The following FAM133A variants were observed in gnomAD, a reference collection of about 807,000 sequenced individuals.
The protein encoded by FAM133A is family with sequence similarity 133 member A.
For synonymous variants in FAM133A, 65 were observed against 58.6 expected, an observed-to-expected ratio of 1.11 and a Z score of -0.50; for missense variants, 159 against 164.4, an observed-to-expected ratio of 0.97 and a Z score of 0.18.
chrX:93,686,926 T>TAC (rs1468278018), intron 2 of FAM133A, among the ~76,000 whole-genome samples: 3 of 112,515 alleles, frequency 2.7e-5, no homozygotes, highest in Non-Finnish European at 5.6e-5. Context: ...GGCCTCAGCC[T>TAC]ACTTTTCCAA....
Position 93,710,444 on chromosome X carries a change from T to C in FAM133A, c.*278T>C. 7.8e-6 allele frequency: 2 copies of C among 256,141 alleles called. No individual in the cohort carries two copies. The highest frequency in any genetic ancestry group is 1.3e-4 in the Admixed American group (2 of 15,432). 21.1% of individuals were successfully genotyped at this position (256,141 alleles called of 1,213,427 possible). A position where few individuals can be genotyped will look rare whatever the true frequency, so the allele number is the denominator to read the frequency against. On this transcript the variant is annotated 3_prime_UTR_variant, in exon 4 of 4. Coordinates refer to ENST00000683942, the MANE Select transcript of FAM133A (RefSeq NM_001171109.2). The stretch of plus-strand genomic sequence containing the variant: ...TAACTTTGACAAAAAAAAGTGTATC[T>C]AAGGTTAAATGTATCTAATTCGAAT...
chrX:93,679,516 A>G (rs1226423300), intron 2 of FAM133A, among the ~76,000 whole-genome samples: 1 of 111,068 alleles, frequency 9.0e-6, no homozygotes, highest in East Asian at 2.8e-4. Flanking sequence ...AGATAAGGAA[A>G]ATTGTTTCCC....
Position 93,709,357 on chromosome X carries a change from G to A in FAM133A, c.-63G>A. On this transcript the variant is annotated 5_prime_UTR_variant, in exon 4 of 4. Transcript: ENST00000683942. ...ATATTTCACTAGATAAAGAATTTAAGGCGAGTATCTATCTTTGTTCTCCTT... is the reference window on the plus strand; with the variant it reads ...ATATTTCACTAGATAAAGAATTTAAAGCGAGTATCTATCTTTGTTCTCCTT... 9.3e-7 allele frequency: 1 copy of A among 1,073,490 alleles called. No individual in the cohort carries two copies. The highest frequency in any genetic ancestry group is 1.2e-6 in the Non-Finnish European group (1 of 829,363). 88.5% of individuals were successfully genotyped at this position (1,073,490 alleles called of 1,213,427 possible).
At chrX:93,693,767 C>T (rs73252248) in intron 2 of FAM133A, among the ~76,000 whole-genome samples, 9,455 of 111,090 alleles carry the variant, frequency 0.085, 409 homozygotes, top group Non-Finnish European at 0.14. Flanking sequence ...ATTGCTTTTG[C>T]TTTTTGTAAC....
intron 3 of FAM133A, among the ~76,000 whole-genome samples, chrX:93,708,291 A>G (rs1927175785): frequency 8.9e-6 from 1 of 112,260 alleles, no homozygotes; most frequent in Non-Finnish European, 1.9e-5. Context: ...GAAACAAAAC[A>G]AAAGTAAGAG....
At position 93,711,261 on chromosome X, in the gene FAM133A, C is replaced by T. The variant is rs193297176; in HGVS notation, c.*1095C>T. 3 of 122,236 alleles carry T rather than the reference C, an allele frequency of 2.5e-5. No individual in the cohort carries two copies. The highest frequency in any genetic ancestry group is 2.8e-4 in the East Asian group (1 of 3,512). 10.1% of individuals were successfully genotyped at this position (122,236 alleles called of 1,213,427 possible). ...CAAGTTGAGTGCCAGACCTCTAGTA[C>T]GCCGTATGTTACATGAAACTACTGC... On this transcript the variant is annotated 3_prime_UTR_variant, in exon 4 of 4. Coordinates refer to ENST00000683942, the MANE Select transcript of FAM133A (RefSeq NM_001171109.2).
rs1370094625 is a variant in FAM133A at position 93,690,372 on chromosome X, C to G, written c.-192-8025C>G. ...CAGAAAGTTATCTAGGGCCTGTTAG[C>G]AGTCAATCCTTGTTTTTACAACCAG... is the stretch of plus-strand genomic sequence containing the variant. On this transcript the variant is annotated intron_variant, in intron 2 of 3. Coordinates refer to ENST00000683942, the MANE Select transcript of FAM133A (RefSeq NM_001171109.2). Among the ~76,000 whole-genome samples the G allele has an allele frequency of 2.7e-5, 3 of 111,328 alleles. No homozygotes were observed. The Admixed American group carries it at 2.9e-4, about 11-fold the overall frequency.
chrX:93,673,788 A>T (rs1924476855), upstream of FAM133A, among the ~76,000 whole-genome samples: 6 of 107,433 alleles, frequency 5.6e-5, no homozygotes, highest in Admixed American at 6.0e-4. Flanking sequence ...CTGAGGTGCG[A>T]CCCCTTGGAA....
intron 2 of FAM133A, among the ~76,000 whole-genome samples, chrX:93,697,568 T>A (rs1423574724): frequency 8.9e-6 from 1 of 112,143 alleles, no homozygotes; most frequent in African/African-American, 3.2e-5. Flanking sequence ...GATATACTAC[T>A]GCATATTTTT....
rs1242633204 is a variant in FAM133A at position 93,711,601 on chromosome X, G to A, written c.*1435G>A. On this transcript the variant is annotated 3_prime_UTR_variant, in exon 4 of 4. Coordinates refer to ENST00000683942, the MANE Select transcript of FAM133A (RefSeq NM_001171109.2). ...ACAAAGTATTTTGGCATGATGAAAA[G>A]CTCAATAGCTATTGTTTTTCAATAG... 1 of 122,947 alleles carries A rather than the reference G, an allele frequency of 8.1e-6. No individual in the cohort carries two copies. The highest frequency in any genetic ancestry group is 1.9e-5 in the Non-Finnish European group (1 of 53,192). The allele number at this position is 122,947 out of a possible 1,213,427, so 10.1% of individuals were successfully genotyped here. A position where few individuals can be genotyped will look rare whatever the true frequency, so the allele number is the denominator to read the frequency against.
intron 3 of FAM133A, among the ~76,000 whole-genome samples, chrX:93,704,843 C>T: frequency 9.0e-6 from 1 of 111,177 alleles, no homozygotes; most frequent in Non-Finnish European, 1.9e-5. Context: ...TCCTTTGTAC[C>T]TCAAGGCCTT....
chrX:93,706,205 G>GT (rs1277128266), intron 3 of FAM133A, among the ~76,000 whole-genome samples: 1 of 112,120 alleles, frequency 8.9e-6, no homozygotes, highest in Non-Finnish European at 1.9e-5. Context: ...GATAATACTT[G>GT]TTTTTTGTAG....
intron 3 of FAM133A, 62 bp downstream of exon 3, chrX:93,698,547 A>T (rs1289731264): frequency 8.9e-6 from 1 of 111,893 alleles, no homozygotes; most frequent in Non-Finnish European, 1.9e-5. Flanking sequence ...CCATGAGGTT[A>T]AAATGAAGAA....
intron 2 of FAM133A, among the ~76,000 whole-genome samples, chrX:93,690,460 T>C (rs1193611504): frequency 8.9e-6 from 1 of 111,757 alleles, no homozygotes; most frequent in Non-Finnish European, 1.9e-5. Flanking sequence ...ACATTTTATC[T>C]AAATAGAATC....
intron 2 of FAM133A, among the ~76,000 whole-genome samples, chrX:93,687,606 A>G (rs1925621289): frequency 8.9e-6 from 1 of 112,102 alleles, no homozygotes; most frequent in South Asian, 3.7e-4. Context: ...ATAATGATCA[A>G]CTAGGGCAAT....
intron 3 of FAM133A, among the ~76,000 whole-genome samples, chrX:93,704,065 T>G (rs1262608158): frequency 1.8e-5 from 2 of 111,732 alleles, no homozygotes; most frequent in Non-Finnish European, 3.8e-5. Flanking sequence ...GAATAGGATG[T>G]GTTCATGCTT....
chrX:93,709,728 G>A lies in FAM133A; in HGVS notation c.309G>A (p.Arg103=). ...RKKKRKKKSC[R]SSSSSSSSDS... ...AAAAGAGAAAGAAGAAATCTTGTCG[G>A]TCTTCATCTTCTTCATCAAGCTCTG... Residue 103 remains arginine, a synonymous_variant, in exon 4 of 4, where the codon CGG becomes CGA. Transcript: ENST00000683942. 5 of 1,197,693 alleles carry A rather than the reference G, an allele frequency of 4.2e-6. No individual in the cohort carries two copies. The highest frequency in any genetic ancestry group is 5.6e-6 in the Non-Finnish European group (5 of 888,771).
intron 3 of FAM133A, among the ~76,000 whole-genome samples, chrX:93,701,254 T>C (rs1243572141): frequency 8.9e-6 from 1 of 111,850 alleles, no homozygotes; most frequent in African/African-American, 3.2e-5. Flanking sequence ...TTTGAAATAA[T>C]TTTTCATTTG....
At chrX:93,686,864 A>G (rs1344854392) in intron 2 of FAM133A, among the ~76,000 whole-genome samples, 1 of 112,334 alleles carries the variant, frequency 8.9e-6, no homozygotes, top group Non-Finnish European at 1.9e-5. Context: ...GTAAAGGGCT[A>G]TTTTAACAAG....
Sources: gnomAD v4.1 joint callset for allele counts (sites outside exome capture counted in the v4.1 genomes callset) on GRCh38, gnomAD v4.1.1 for gene constraint, MANE v1.5 for transcripts, NCBI Gene and HGNC (gene_info 2026-07-23, HGNC 2026-07-21) for gene names.